EPHA5: variants seen among roughly 807,000 people sequenced by gnomAD.
EPHA5 encodes the protein EPH receptor A5, also known as ephrin type-A receptor 5.
In EPHA5, 60 loss-of-function variants were observed where a neutral mutation model predicts 105.0. The observed-to-expected ratio is 0.57, with a 90% CI of 0.46 to 0.71. The LOEUF is 0.71. Ranked by LOEUF, EPHA5 falls within the 30% of genes least tolerant of loss-of-function variation. EPHA5 has a pLI of 0.00. For synonymous variants in EPHA5, 513 were observed against 449.1 expected (o/e 1.14, Z -1.80); for missense variants, 1,218 against 1,274.7 (o/e 0.96, Z 0.68).
chr4:65,669,462 G>A, intron 1 of EPHA5, 100 bp downstream of exon 1: 1 of 1,260,062 alleles, frequency 7.9e-7, no homozygotes. Flanking sequence ...CTGCGATTTA[G>A]TCTGCAGCAG....
intron 5 of EPHA5, among the ~76,000 whole-genome samples, chr4:65,448,547 C>G (rs2149101824): frequency 6.6e-6 from 1 of 152,206 alleles, no homozygotes; most frequent in South Asian, 2.1e-4. Context: ...ACTTGGGAAG[C>G]TGAGGCAGGA....
chr4:65,344,887 G>A (rs1020634190), intron 14 of EPHA5, among the ~76,000 whole-genome samples: 1 of 152,042 alleles, frequency 6.6e-6, no homozygotes, highest in Non-Finnish European at 1.5e-5. Flanking sequence ...CGGACTATTG[G>A]TTAGAAATGA....
chr4:65,465,560 G>A (rs13126169), intron 5 of EPHA5, among the ~76,000 whole-genome samples: 18,670 of 119,714 alleles, frequency 0.16, 1,562 homozygotes, highest in Non-Finnish European at 0.19. Flanking sequence ...GGAAGGAAAG[G>A]AAGGAAAGGA....
intron 4 of EPHA5, among the ~76,000 whole-genome samples, chr4:65,490,983 A>G (rs1271284645): frequency 6.6e-6 from 1 of 152,206 alleles, no homozygotes; most frequent in African/African-American, 2.4e-5. Flanking sequence ...GAGTAAAACT[A>G]TGTATGCACA....
chr4:65,517,891 T>C (rs996907731), intron 3 of EPHA5, among the ~76,000 whole-genome samples: 6 of 151,980 alleles, frequency 3.9e-5, no homozygotes, highest in African/African-American at 1.4e-4. Flanking sequence ...ATAAACAGCA[T>C]TAAAGATTCT....
At chr4:65,458,316 C>T (rs1332768529) in intron 5 of EPHA5, among the ~76,000 whole-genome samples, 1 of 151,980 alleles carries the variant, frequency 6.6e-6, no homozygotes, top group Non-Finnish European at 1.5e-5. Flanking sequence ...CCTCCAAAAT[C>T]TTATATCAAT....
intron 6 of EPHA5, among the ~76,000 whole-genome samples, chr4:65,417,296 T>C (rs1486750714): frequency 6.6e-6 from 1 of 152,222 alleles, no homozygotes; most frequent in Non-Finnish European, 1.5e-5. Context: ...CAATAAATGG[T>C]GGTGTCATTC....
At chr4:65,626,100 CAAA>C (rs11304193) in intron 2 of EPHA5, among the ~76,000 whole-genome samples, 36 of 131,582 alleles carry the variant, frequency 2.7e-4, no homozygotes, top group Middle Eastern at 4.2e-3. Context: ...CACTCCGTCT[CAAA>C]AAAAAAAAAA....
Position 65,534,863 on chromosome 4 carries a change from G to A in EPHA5, c.911-39320C>T, listed in dbSNP as rs550764596. Among the ~76,000 whole-genome samples the A allele has an allele frequency of 5.3e-5, 8 of 152,326 alleles. No individual in the cohort carries two copies. In the East Asian group the frequency reaches 1.5e-3, roughly 29 times the overall value. ...GTTCACTGAAAAGTGGCCATTATGTGAAACAACCTGCAGATAAACATTTTT... is the reference window on the plus strand; with the variant it reads ...GTTCACTGAAAAGTGGCCATTATGTAAAACAACCTGCAGATAAACATTTTT... On this transcript the variant is annotated intron_variant, in intron 3 of 16. Transcript: ENST00000613740.
intron 8 of EPHA5, among the ~76,000 whole-genome samples, chr4:65,390,513 T>C (rs945200710): frequency 6.6e-6 from 1 of 151,988 alleles, no homozygotes; most frequent in Admixed American, 6.6e-5. Flanking sequence ...ATAAACTTTG[T>C]TTTCCTATGC....
chr4:65,382,597 A>T (rs1039037530), intron 8 of EPHA5, among the ~76,000 whole-genome samples: 8 of 151,846 alleles, frequency 5.3e-5, no homozygotes, highest in African/African-American at 1.7e-4. Context: ...ATTCTTTAAT[A>T]GTGAAGAAAT....
At chr4:65,328,343 T>C (rs75834233) in intron 16 of EPHA5, among the ~76,000 whole-genome samples, 1,600 of 151,272 alleles carry the variant, frequency 0.011, 26 homozygotes, top group African/African-American at 0.037. Context: ...TATTAAACAA[T>C]GGAAAAACAC....
At chr4:65,484,530 C>G (rs1730692151) in intron 5 of EPHA5, among the ~76,000 whole-genome samples, 1 of 152,152 alleles carries the variant, frequency 6.6e-6, no homozygotes, top group African/African-American at 2.4e-5. Flanking sequence ...CTACCCATAG[C>G]ATGTCAACAT....
intron 2 of EPHA5, among the ~76,000 whole-genome samples, chr4:65,631,980 A>C (rs999009145): frequency 5.3e-5 from 8 of 151,796 alleles, no homozygotes; most frequent in Admixed American, 1.3e-4. Flanking sequence ...AAGAACAAGA[A>C]CAAGAATAAT....
intron 13 of EPHA5, among the ~76,000 whole-genome samples, chr4:65,348,659 G>GGTGT (rs1311162748): frequency 1.7e-5 from 1 of 60,228 alleles, no homozygotes; most frequent in Non-Finnish European, 3.3e-5. Context: ...AAACATTGGA[G>GGTGT]ATATATATAT....
At chr4:65,615,962 G>T (rs967125040) in intron 2 of EPHA5, among the ~76,000 whole-genome samples, 2 of 151,772 alleles carry the variant, frequency 1.3e-5, no homozygotes, top group African/African-American at 4.8e-5. Context: ...AACAACTTAC[G>T]TCCACAGAAA....
intron 2 of EPHA5, among the ~76,000 whole-genome samples, chr4:65,605,258 CAG>C (rs1382838777): frequency 1.3e-5 from 2 of 152,170 alleles, no homozygotes; most frequent in Non-Finnish European, 2.9e-5. Flanking sequence ...CCACATTCAT[CAG>C]AGAAGGGTCG....
intron 3 of EPHA5, among the ~76,000 whole-genome samples, chr4:65,573,095 T>C (rs764377066): frequency 2.0e-5 from 3 of 151,504 alleles, no homozygotes; most frequent in Admixed American, 6.6e-5. Flanking sequence ...TATGTTTGAA[T>C]AGTTTTCAAA....
chr4:65,601,119 C>T (rs1267088599), intron 3 of EPHA5, among the ~76,000 whole-genome samples: 2 of 152,130 alleles, frequency 1.3e-5, no homozygotes, highest in African/African-American at 4.8e-5. Context: ...AAGTAAACAA[C>T]ACAGTAAACT....
Sources: allele counts gnomAD v4.1 joint callset (sites outside exome capture counted in the v4.1 genomes callset), GRCh38; gene constraint gnomAD v4.1.1; transcripts MANE v1.5; gene names NCBI Gene and HGNC (gene_info 2026-07-23, HGNC 2026-07-21).